OXR1: variants seen among roughly 807,000 people sequenced by gnomAD.
OXR1 encodes oxidation resistance protein 1.
In OXR1, 41 loss-of-function variants were observed where a neutral mutation model predicts 104.6. The ratio of observed to expected loss-of-function variants is 0.39; its 90% CI spans 0.31 to 0.51. OXR1 has a LOEUF of 0.51. Among genes scored for constraint, OXR1 ranks in the 20% least tolerant of loss-of-function variants. OXR1 has a pLI of 0.77. For synonymous variants in OXR1, 348 were observed against 348.4 expected (o/e 1.00, Z 0.01); for missense variants, 955 against 1,031.9 (o/e 0.93, Z 1.02).
At chr8:106,458,469 G>C (rs1820727224) in intron 2 of OXR1, among the ~76,000 whole-genome samples, 1 of 152,156 alleles carries the variant, frequency 6.6e-6, no homozygotes, top group Non-Finnish European at 1.5e-5. Flanking sequence ...AGATTTCAAG[G>C]ACTGTTGTGG....
intron 2 of OXR1, among the ~76,000 whole-genome samples, chr8:106,367,632 T>A (rs1299498568): frequency 6.6e-6 from 1 of 152,146 alleles, no homozygotes; most frequent in Admixed American, 6.5e-5. Context: ...AAATTTCTGC[T>A]CTCATGAAGC....
chr8:106,609,624 T>G (rs1820661291), intron 3 of OXR1, among the ~76,000 whole-genome samples: 1 of 152,220 alleles, frequency 6.6e-6, no homozygotes, highest in Non-Finnish European at 1.5e-5. Flanking sequence ...GGAGTCATTA[T>G]TGGGTTAATT....
chr8:106,471,350 C>G (rs1437587258), intron 2 of OXR1, among the ~76,000 whole-genome samples: 1 of 151,632 alleles, frequency 6.6e-6, no homozygotes, highest in Non-Finnish European at 1.5e-5. Flanking sequence ...GAGAGTTTTT[C>G]ATCACTGCTC....
chr8:106,460,262 C>G (rs946374937), intron 2 of OXR1, among the ~76,000 whole-genome samples: 1 of 152,196 alleles, frequency 6.6e-6, no homozygotes, highest in East Asian at 1.9e-4. Context: ...TAAAGACTTA[C>G]ATTACACCAT....
chr8:106,510,396 C>T (rs1187285476), intron 2 of OXR1, among the ~76,000 whole-genome samples: 1 of 152,150 alleles, frequency 6.6e-6, no homozygotes, highest in Non-Finnish European at 1.5e-5. Flanking sequence ...ATGCTTCTCT[C>T]ATATTACCTC....
chr8:106,551,858 ATATGTGTG>A (rs1287325284), intron 3 of OXR1, among the ~76,000 whole-genome samples: 2 of 94,278 alleles, frequency 2.1e-5, no homozygotes, highest in South Asian at 6.5e-4. Context: ...ATGTGTATAT[ATATGTGTG>A]TGTGTGTGTG....
chr8:106,352,450 A>C (rs547049486), intron 1 of OXR1, among the ~76,000 whole-genome samples: 14 of 152,312 alleles, frequency 9.2e-5, no homozygotes, highest in African/African-American at 2.6e-4. Flanking sequence ...TGTGCATAGG[A>C]TTGACCCAGA....
intron 7 of OXR1, among the ~76,000 whole-genome samples, chr8:106,700,463 G>A (rs1024676976): frequency 6.6e-6 from 1 of 152,182 alleles, no homozygotes; most frequent in African/African-American, 2.4e-5. Context: ...TGAGTGTGTA[G>A]CAGAGGGAAA....
chr8:106,416,830 C>T (rs948203827), intron 2 of OXR1, among the ~76,000 whole-genome samples: 10 of 152,052 alleles, frequency 6.6e-5, no homozygotes, highest in African/African-American at 2.2e-4. Flanking sequence ...TCTTATTTCA[C>T]CATTGCTTAT....
At chr8:106,353,063 T>A (rs1310435483) in intron 1 of OXR1, among the ~76,000 whole-genome samples, 1 of 152,216 alleles carries the variant, frequency 6.6e-6, no homozygotes, top group Non-Finnish European at 1.5e-5. Flanking sequence ...AATTTAACTA[T>A]GGGCTAGGCA....
intron 1 of OXR1, among the ~76,000 whole-genome samples, chr8:106,312,441 C>T (rs1465863314): frequency 4.6e-5 from 7 of 152,188 alleles, no homozygotes; most frequent in African/African-American, 1.7e-4. Context: ...TGTGCCCTGG[C>T]CTCAGATGTC....
chr8:106,451,809 TA>T, intron 2 of OXR1, among the ~76,000 whole-genome samples: 1 of 152,360 alleles, frequency 6.6e-6, no homozygotes, highest in East Asian at 1.9e-4. Context: ...TGACTTTTTT[TA>T]AAATAAGAAT....
chr8:106,336,641 A>C (rs1005125273), intron 1 of OXR1, among the ~76,000 whole-genome samples: 1 of 152,124 alleles, frequency 6.6e-6, no homozygotes, highest in African/African-American at 2.4e-5. Flanking sequence ...CTACCCACTA[A>C]ATCTTTTATT....
chr8:106,417,412 T>C (rs1432764115), intron 2 of OXR1, among the ~76,000 whole-genome samples: 9 of 152,160 alleles, frequency 5.9e-5, no homozygotes, highest in Admixed American at 6.6e-5. Context: ...AGGTTTACTA[T>C]AGTGTGTTAT....
intron 2 of OXR1, among the ~76,000 whole-genome samples, chr8:106,367,541 C>A (rs1816526950): frequency 6.6e-6 from 1 of 151,810 alleles, no homozygotes; most frequent in African/African-American, 2.4e-5. Flanking sequence ...TATTTATATT[C>A]ATTCATTTCT....
At chr8:106,427,413 C>T (rs532082703) in intron 2 of OXR1, among the ~76,000 whole-genome samples, 7 of 152,060 alleles carry the variant, frequency 4.6e-5, no homozygotes, top group Admixed American at 1.3e-4. Context: ...GTGATCTGCC[C>T]GCCTCAGCCT....
intron 2 of OXR1, among the ~76,000 whole-genome samples, chr8:106,409,618 T>C (rs1323495104): frequency 1.3e-5 from 2 of 152,112 alleles, no homozygotes; most frequent in Non-Finnish European, 2.9e-5. Context: ...AGGAATGACA[T>C]CCATGGAAAT....
intron 2 of OXR1, among the ~76,000 whole-genome samples, chr8:106,444,582 C>G (rs546964238): frequency 1.3e-5 from 2 of 152,184 alleles, no homozygotes; most frequent in African/African-American, 4.8e-5. Context: ...CAAACTAACA[C>G]AGGAACAGCG....
chr8:106,301,447 G>A (rs759942896), intron 1 of OXR1, among the ~76,000 whole-genome samples: 4 of 152,092 alleles, frequency 2.6e-5, no homozygotes, highest in Admixed American at 6.6e-5. Flanking sequence ...AAATTTACAG[G>A]GACTGGGAGC....
Sources: gnomAD v4.1 joint callset for allele counts (sites outside exome capture counted in the v4.1 genomes callset) on GRCh38, gnomAD v4.1.1 for gene constraint, MANE v1.5 for transcripts, NCBI Gene and HGNC (gene_info 2026-07-23, HGNC 2026-07-21) for gene names.